Variants in TARBP1 observed in about 807,000 individuals in gnomAD.
The protein encoded by TARBP1 is tRNA guanosine 2 -O-methyltransferase TARBP1, also known as tRNA (guanosine(18)-2'-O)-methyltransferase TARBP1.
TARBP1 carries 144 observed loss-of-function variants against 178.6 expected under a neutral mutation model. The ratio of observed to expected loss-of-function variants is 0.81; its 90% CI spans 0.70 to 0.93. The LOEUF (loss-of-function observed/expected upper bound fraction) is 0.93, where lower values mean the gene tolerates loss of function less well. Among genes scored for constraint, TARBP1 ranks in the 40% least tolerant of loss-of-function variants. The pLI is 0.00. For missense variants in TARBP1, 2,067 were observed against 2,011.7 expected (o/e 1.03, Z -0.53); for synonymous variants, 787 against 781.0 (o/e 1.01, Z -0.13).
chr1:234,443,615 T>C (rs1047646488), intron 12 of TARBP1, among the ~76,000 whole-genome samples: 14 of 152,092 alleles, frequency 9.2e-5, no homozygotes, highest in African/African-American at 3.4e-4. Context: ...AAATTCCACT[T>C]CCAAGAGAAT....
rs779245045 is a variant in TARBP1, at chr1:234,479,028, C to T, written c.76G>A (p.Gly26Arg). The change falls in exon 1 of 30, where the codon GGG (glycine) becomes AGG (arginine). Residue 26 changes from glycine to arginine, a missense_variant. Gly to Arg is a moderately radical substitution (Grantham distance 125). Coordinates refer to ENST00000040877, the MANE Select transcript of TARBP1 (RefSeq NM_005646.4). ...TCCACGCGCTCCGCGGATGCCTCCC[C>T]TTGGCACAGCGCCCCAAGCAGGGCC... ...PRALLGALCQ[G>R]EASAERVETL... The T allele has an allele frequency of 6.5e-6, 10 of 1,532,748 alleles. No individual in the cohort carries two copies. Among genetic ancestry groups the T allele is most frequent in the African/African-American group, 1.4e-5 (1 of 70,136 alleles). The allele number at this position is 1,532,748 out of a possible 1,614,324, so 94.9% of individuals were successfully genotyped here. A position where few individuals can be genotyped will look rare whatever the true frequency, so the allele number is the denominator to read the frequency against.
chr1:234,411,630 T>C (rs1381473783), intron 22 of TARBP1, among the ~76,000 whole-genome samples: 5 of 152,154 alleles, frequency 3.3e-5, no homozygotes, highest in Admixed American at 1.3e-4. Context: ...AATCATACTG[T>C]AGAGGCTTTA....
At position 234,410,673 on chromosome 1, in the gene TARBP1, G is replaced by A. The variant is rs1460429678; in HGVS notation, c.3706-142C>T. The A allele has an allele frequency of 8.7e-6, 5 of 574,038 alleles. No homozygotes were observed. The East Asian group carries it at 1.6e-4, about 18-fold the overall frequency. The allele number at this position is 574,038 out of a possible 1,614,324, so 35.6% of individuals were successfully genotyped here. A position where few individuals can be genotyped will look rare whatever the true frequency, so the allele number is the denominator to read the frequency against. On this transcript the variant is annotated intron_variant, in intron 22 of 29. Transcript: ENST00000040877. ...AACAGCCCGGGGTCTGGGTGGGAAGGGGGCTGCGGCAACAGGCACAGGACT... is the reference window on the plus strand; with the variant it reads ...AACAGCCCGGGGTCTGGGTGGGAAGAGGGCTGCGGCAACAGGCACAGGACT...
At chr1:234,394,326 G>A (rs1659700100) in intron 26 of TARBP1, among the ~76,000 whole-genome samples, 1 of 152,194 alleles carries the variant, frequency 6.6e-6, no homozygotes, top group Non-Finnish European at 1.5e-5. Flanking sequence ...GAAGGATGTT[G>A]TATAAAGCAG....
In TARBP1 at chr1:234,463,799, C is replaced by T. The variant is rs748527230; in HGVS notation, c.1399+38G>A. On this transcript the variant is annotated intron_variant, in intron 6 of 29. Transcript: ENST00000040877. ...TGCTAAAAAAAAAAGAAACTGTAAG[C>T]TAAAGCATTTTTAAAAAAACCCTTT... 5 of 1,249,202 alleles carry T rather than the reference C, an allele frequency of 4.0e-6. No homozygotes were observed. The South Asian group carries it at 8.5e-5, about 21-fold the overall frequency. 77.4% of individuals were successfully genotyped at this position (1,249,202 alleles called of 1,614,324 possible). A position where few individuals can be genotyped will look rare whatever the true frequency, so the allele number is the denominator to read the frequency against.
chr1:234,422,816 T>C (rs1257051663), intron 20 of TARBP1, among the ~76,000 whole-genome samples: 1 of 152,244 alleles, frequency 6.6e-6, no homozygotes, highest in Non-Finnish European at 1.5e-5. Context: ...TATTACACAT[T>C]GTATGCCTAT....
intron 24 of TARBP1, among the ~76,000 whole-genome samples, chr1:234,404,919 A>G (rs1661056842): frequency 6.6e-6 from 1 of 152,168 alleles, no homozygotes; most frequent in Admixed American, 6.5e-5. Context: ...TTTTCAACAA[A>G]TGCATCAAAA....
chr1:234,405,261 T>A (rs899909370), intron 24 of TARBP1: 3 of 151,900 alleles, frequency 2.0e-5, no homozygotes, highest in African/African-American at 7.3e-5. Flanking sequence ...ATGATAATAA[T>A]AAAAAGGCAA....
At position 234,392,242 on chromosome 1, in the gene TARBP1, C is replaced by T. The variant is rs139539499; in HGVS notation, c.4697+174G>A. On this transcript the variant is annotated intron_variant, in intron 29 of 29. Transcript: ENST00000040877. ...TCCCAGCTACTTGGGAAGCTGATGCCTGAAAATTGCTTGAGCCAATGAGGC... is the reference window on the plus strand; with the variant it reads ...TCCCAGCTACTTGGGAAGCTGATGCTTGAAAATTGCTTGAGCCAATGAGGC... Among the ~76,000 whole-genome samples, 4 of 152,176 alleles carry T rather than the reference C, an allele frequency of 2.6e-5. No homozygotes were observed. In the East Asian group the frequency reaches 5.8e-4, roughly 22 times the overall value.
chr1:234,392,796 C>T (rs568004180), intron 28 of TARBP1: 24 of 228,914 alleles, frequency 1.0e-4, no homozygotes, highest in Admixed American at 1.7e-4. Context: ...CTGCAAGCTC[C>T]GCCTCCCGGG....
chr1:234,474,085 ATT>A (rs1669330114), intron 1 of TARBP1, among the ~76,000 whole-genome samples: 1 of 152,070 alleles, frequency 6.6e-6, no homozygotes, highest in African/African-American at 2.4e-5. Context: ...CTACAAGGAA[ATT>A]TAAAAAATTA....
Position 234,465,683 on chromosome 1 carries a change from G to A in TARBP1, c.1274C>T (p.Ala425Val), listed in dbSNP as rs375612449. 177 of 1,567,672 alleles carry A rather than the reference G, an allele frequency of 1.1e-4. No homozygotes were observed. The highest frequency in any genetic ancestry group is 4.9e-4 in the African/African-American group (34 of 69,824). The change falls in exon 5 of 30, where the codon GCG (alanine) becomes GTG (valine). Residue 425 changes from alanine (A) to valine (V), a missense_variant. Physicochemically the swap from Ala to Val is moderately conservative, Grantham distance 64. Transcript: ENST00000040877. Reference sequence around the variant, plus strand: ...GCTATACAGAGAGCTCTCTGAAAGCGCATCCATTAATGGTCCAATAATAAA... The same window carrying A: ...GCTATACAGAGAGCTCTCTGAAAGCACATCCATTAATGGTCCAATAATAAA... Reference protein sequence around the residue: ...SEFIIGPLMDALSESSLYSRS... With the variant: ...SEFIIGPLMDVLSESSLYSRS...
At chr1:234,401,310 T>C (rs1466951685) in intron 24 of TARBP1, 48 bp from the exon 25 acceptor site, 8 of 1,411,558 alleles carry the variant, frequency 5.7e-6, no homozygotes, top group Admixed American at 3.6e-5. Context: ...GAAACAACTC[T>C]GGTGAGGGGA....
chr1:234,424,918 G>A lies in TARBP1; in HGVS notation c.3444+755C>T, dbSNP rs535257232. Among the ~76,000 whole-genome samples, 10 of 152,170 alleles carry A rather than the reference G, an allele frequency of 6.6e-5. No individual in the cohort carries two copies. The South Asian group carries it at 1.0e-3, about 16-fold the overall frequency. ...CTCTACTAAAAATACAAAATTAGCC[G>A]GGCATGGTGGCGCATGTCTGTAGTC... On this transcript the variant is annotated intron_variant, in intron 20 of 29. Transcript: ENST00000040877.
intron 22 of TARBP1, among the ~76,000 whole-genome samples, chr1:234,411,346 A>C (rs1000688827): frequency 1.3e-5 from 2 of 152,202 alleles, no homozygotes; most frequent in African/African-American, 4.8e-5. Flanking sequence ...AGACTTGAGC[A>C]TCCTCAGGTT....
In TARBP1 at chr1:234,425,582, T is replaced by C. The variant is rs979647110; in HGVS notation, c.3444+91A>G. 1.1e-5 allele frequency: 14 copies of C among 1,320,954 alleles called. No individual in the cohort carries two copies. In the African/African-American group the frequency reaches 1.3e-4, roughly 13 times the overall value. The allele number at this position is 1,320,954 out of a possible 1,614,324, so 81.8% of individuals were successfully genotyped here. Reference sequence around the variant, plus strand: ...CTTTGTGTTTTCTCCTGACAAAAGATATTTAGAAGTACATATTCTAGCAAC... The same window carrying C: ...CTTTGTGTTTTCTCCTGACAAAAGACATTTAGAAGTACATATTCTAGCAAC... On this transcript the variant is annotated intron_variant, in intron 20 of 29. Transcript: ENST00000040877.
chr1:234,478,067 T>A (rs1669734034), intron 1 of TARBP1, 106 bp downstream of exon 1: 1 of 1,126,232 alleles, frequency 8.9e-7, no homozygotes, highest in Non-Finnish European at 1.3e-6. Context: ...AAATTCTGCA[T>A]GGATCGGAGT....
intron 22 of TARBP1, among the ~76,000 whole-genome samples, chr1:234,416,481 G>A (rs967706081): frequency 2.6e-4 from 40 of 152,142 alleles, no homozygotes; most frequent in Admixed American, 3.9e-4. Context: ...ATTTTTAGTA[G>A]AGACGGGGTT....
intron 18 of TARBP1, 33 bp from the exon 19 acceptor site, chr1:234,427,421 A>C: frequency 6.4e-7 from 1 of 1,564,740 alleles, no homozygotes; most frequent in East Asian, 2.3e-5. Flanking sequence ...AAAGAACAAC[A>C]GGTTTTAAAT....
Sources: gnomAD v4.1 joint callset for allele counts (sites outside exome capture counted in the v4.1 genomes callset) on GRCh38, gnomAD v4.1.1 for gene constraint, MANE v1.5 for transcripts, NCBI Gene and HGNC (gene_info 2026-07-23, HGNC 2026-07-21) for gene names.